Variants in ICA1L observed in about 807,000 individuals in gnomAD.
The protein encoded by ICA1L is islet cell autoantigen 1 like.
In ICA1L, 50 loss-of-function variants were observed where a neutral mutation model predicts 61.3. The ratio of observed to expected loss-of-function variants is 0.82; its 90% CI spans 0.65 to 1.03. The LOEUF is 1.03. Ranked by LOEUF, ICA1L falls within the 50% of genes least tolerant of loss-of-function variation. ICA1L has a pLI of 0.00. For missense variants in ICA1L, 508 were observed against 556.7 expected, an observed-to-expected ratio of 0.91 and a Z score of 0.88; for synonymous variants, 161 against 191.3, an observed-to-expected ratio of 0.84 and a Z score of 1.31.
intron 10 of ICA1L, among the ~76,000 whole-genome samples, chr2:202,790,425 G>A (rs1692710924): frequency 6.6e-6 from 1 of 152,268 alleles, no homozygotes; most frequent in Middle Eastern, 3.4e-3. Context: ...AACAGCAAGA[G>A]TTTTTAGTAT....
chr2:202,847,335 T>C (rs1694490065), intron 1 of ICA1L, among the ~76,000 whole-genome samples: 1 of 152,224 alleles, frequency 6.6e-6, no homozygotes, highest in South Asian at 2.1e-4. Context: ...ACACATTTCA[T>C]CTGTGACATC....
At chr2:202,788,288 G>C (rs887297615) in intron 11 of ICA1L, among the ~76,000 whole-genome samples, 1 of 152,154 alleles carries the variant, frequency 6.6e-6, no homozygotes, top group Non-Finnish European at 1.5e-5. Flanking sequence ...AATGGCTCTG[G>C]TGTTGAGGCA....
chr2:202,813,265 A>T (rs1693432196), intron 8 of ICA1L, among the ~76,000 whole-genome samples: 1 of 152,062 alleles, frequency 6.6e-6, no homozygotes, highest in South Asian at 2.1e-4. Flanking sequence ...TGTCAAAAAA[A>T]AAAAAAAAGT....
rs1051550536 is a variant in ICA1L, at chr2:202,815,917, A to G, written c.777T>C (p.Ala259=). The G allele has an allele frequency of 1.3e-6, 2 of 1,576,472 alleles. No individual in the cohort carries two copies. Among genetic ancestry groups the G allele is most frequent in the African/African-American group, 1.4e-5 (1 of 72,756 alleles). The change falls in exon 7 of 13, where the codon GCT becomes GCC. Residue 259 remains alanine (A), a synonymous_variant. Transcript: ENST00000358299. ...CIGFHPYDFV[A]LKQLQDTPSK... ...AACATGGAACACAATGTACCTTGAG[A>G]GCTACAAAATCATACGGATGAAAGC...
chr2:202,785,914 T>C lies in ICA1L; in HGVS notation c.1333+4A>G, dbSNP rs1430003692. On this transcript the variant is annotated splice_donor_region_variant and intron_variant, in intron 12 of 12. Transcript: ENST00000358299. ...GATAAAGAATATATAAATAAATAAC[T>C]TACATCTTGTTAATTTCTTTGGACT... 6.7e-6 allele frequency: 10 copies of C among 1,486,864 alleles called. No homozygotes were observed. The highest frequency in any genetic ancestry group is 9.3e-6 in the Non-Finnish European group (10 of 1,073,160). The allele number at this position is 1,486,864 out of a possible 1,614,324, so 92.1% of individuals were successfully genotyped here. A position where few individuals can be genotyped will look rare whatever the true frequency, so the allele number is the denominator to read the frequency against.
chr2:202,803,815 A>T (rs749012522), intron 9 of ICA1L, among the ~76,000 whole-genome samples: 9 of 152,186 alleles, frequency 5.9e-5, no homozygotes, highest in Admixed American at 2.0e-4. Context: ...GGCATGTGCC[A>T]CCACGCCTGG....
intron 10 of ICA1L, 80 bp downstream of exon 10, chr2:202,796,810 T>C (rs1692939642): frequency 2.4e-6 from 2 of 825,584 alleles, no homozygotes; most frequent in Admixed American, 2.7e-5. Flanking sequence ...AGACAGTTTC[T>C]AATGTTAAGG....
At chr2:202,824,359 C>T (rs1282571905) in intron 3 of ICA1L, among the ~76,000 whole-genome samples, 1 of 151,798 alleles carries the variant, frequency 6.6e-6, no homozygotes, top group Non-Finnish European at 1.5e-5. Flanking sequence ...AAGATCACGC[C>T]ACTGCACTCT....
intron 1 of ICA1L, among the ~76,000 whole-genome samples, chr2:202,861,280 C>T (rs1694903692): frequency 6.6e-6 from 1 of 151,066 alleles, no homozygotes; most frequent in African/African-American, 2.4e-5. Flanking sequence ...TGGCTCGCAC[C>T]TGTAGTCCCA....
At chr2:202,839,350 T>C (rs1221028865) in intron 1 of ICA1L, among the ~76,000 whole-genome samples, 3 of 151,872 alleles carry the variant, frequency 2.0e-5, no homozygotes, top group Non-Finnish European at 4.4e-5. Context: ...AATATAAAAA[T>C]TAGCTGAGTG....
Position 202,777,546 on chromosome 2 carries a change from C to T in ICA1L, c.*1987G>A, listed in dbSNP as rs1341954666. The T allele has an allele frequency of 6.6e-6, 1 of 152,132 alleles. No individual in the cohort carries two copies. The highest frequency in any genetic ancestry group is 1.5e-5 in the Non-Finnish European group (1 of 68,026). The allele number at this position is 152,132 out of a possible 1,614,324, so 9.4% of individuals were successfully genotyped here. On this transcript the variant is annotated 3_prime_UTR_variant, in exon 13 of 13. Coordinates refer to ENST00000358299, the MANE Select transcript of ICA1L (RefSeq NM_001288622.3). ...TCTTCTGAAGAGATAAGTAATGGCT[C>T]ATTAAAATCTAAAAGAAATAGGAGT...
chr2:202,839,079 A>G (rs1694237727), intron 1 of ICA1L, among the ~76,000 whole-genome samples: 1 of 152,172 alleles, frequency 6.6e-6, no homozygotes, highest in Non-Finnish European at 1.5e-5. Flanking sequence ...TTGGGAGGGG[A>G]CAAAATATCC....
intron 1 of ICA1L, among the ~76,000 whole-genome samples, chr2:202,840,118 C>CA (rs71030994): frequency 0.045 from 3,940 of 87,104 alleles, 219 homozygotes; most frequent in African/African-American, 0.13. Context: ...TATTTTGGAC[C>CA]AAAAAAAAAA....
chr2:202,774,364 G>T lies in ICA1L; in HGVS notation c.*5169C>A, dbSNP rs1692152269. ...GCCTGCCGCGCGCTCCGCTCAGCGTGGTCTGGCAGCCGGAGACCAGGCCTC... is the reference window on the plus strand; with the variant it reads ...GCCTGCCGCGCGCTCCGCTCAGCGTTGTCTGGCAGCCGGAGACCAGGCCTC... On this transcript the variant is annotated 3_prime_UTR_variant, in exon 13 of 13. Transcript: ENST00000358299. 31 of 1,330,522 alleles carry T rather than the reference G, an allele frequency of 2.3e-5. No individual in the cohort carries two copies. The highest frequency in any genetic ancestry group is 9.9e-5 in the East Asian group (3 of 30,234). The allele number at this position is 1,330,522 out of a possible 1,614,324, so 82.4% of individuals were successfully genotyped here.
chr2:202,829,783 ATATTT>A (rs1166273502), intron 1 of ICA1L, among the ~76,000 whole-genome samples: 2 of 152,206 alleles, frequency 1.3e-5, no homozygotes, highest in Non-Finnish European at 2.9e-5. Flanking sequence ...AGAAAAAATT[ATATTT>A]TATTTGATAT....
chr2:202,798,132 A>G (rs1692985890), intron 9 of ICA1L, among the ~76,000 whole-genome samples: 1 of 152,192 alleles, frequency 6.6e-6, no homozygotes, highest in African/African-American at 2.4e-5. Context: ...GCTGAATAGT[A>G]TTCCATTGTG....
intron 1 of ICA1L, among the ~76,000 whole-genome samples, chr2:202,847,770 T>TA: frequency 7.0e-6 from 1 of 143,752 alleles, no homozygotes; most frequent in East Asian, 2.1e-4. Flanking sequence ...AACAAAAAGA[T>TA]ACAGGCACTT....
chr2:202,816,012 G>A lies in ICA1L; in HGVS notation c.685-3C>T. The A allele has an allele frequency of 6.3e-7, 1 of 1,578,638 alleles. No individual in the cohort carries two copies. The highest frequency in any genetic ancestry group is 8.6e-7 in the Non-Finnish European group (1 of 1,164,230). ...TTCCAGAATCCAAGCAGTGTTCTCTGCAAAAAAAGAAAAGGTGACACTACA... is the reference window on the plus strand; with the variant it reads ...TTCCAGAATCCAAGCAGTGTTCTCTACAAAAAAAGAAAAGGTGACACTACA... On this transcript the variant is annotated splice_region_variant and splice_polypyrimidine_tract_variant and intron_variant, in intron 6 of 12. Transcript: ENST00000358299.
chr2:202,833,844 C>T (rs1020611124), intron 1 of ICA1L, among the ~76,000 whole-genome samples: 1 of 152,040 alleles, frequency 6.6e-6, no homozygotes, highest in African/African-American at 2.4e-5. Flanking sequence ...CACATGATCT[C>T]AATTACATGT....
Sources: allele counts gnomAD v4.1 joint callset (sites outside exome capture counted in the v4.1 genomes callset), GRCh38; gene constraint gnomAD v4.1.1; transcripts MANE v1.5; gene names NCBI Gene and HGNC (gene_info 2026-07-23, HGNC 2026-07-21).